ADAP1: variants seen among roughly 807,000 people sequenced by gnomAD.
The protein encoded by ADAP1 is ArfGAP with dual PH domains 1.
Under a neutral mutation model 54.9 loss-of-function variants are expected in ADAP1, and 31 were observed. The ratio of observed to expected loss-of-function variants is 0.56; its 90% CI spans 0.42 to 0.76. The LOEUF (loss-of-function observed/expected upper bound fraction) is 0.76, where lower values mean the gene tolerates loss of function less well. Ranked by LOEUF, ADAP1 falls within the 30% of genes least tolerant of loss-of-function variation. The pLI is 0.00. For missense variants in ADAP1, 535 were observed against 512.4 expected (o/e 1.04, Z -0.42); for synonymous variants, 313 against 202.6 (o/e 1.55, Z -4.63).
intron 4 of ADAP1, chr7:905,589 GA>G (rs1845177399): frequency 4.0e-4 from 17 of 42,904 alleles, no homozygotes; most frequent in Admixed American, 2.1e-3. Flanking sequence ...GGAGAAAGGA[GA>G]AAGGAGAAAG....
chr7:920,737 C>A lies in ADAP1; in HGVS notation c.306-687G>T. 6.6e-7 allele frequency: 1 copy of A among 1,515,336 alleles called. No homozygotes were observed. The highest frequency in any genetic ancestry group is 8.9e-7 in the Non-Finnish European group (1 of 1,119,888). The allele number at this position is 1,515,336 out of a possible 1,614,324, so 93.9% of individuals were successfully genotyped here. A position where few individuals can be genotyped will look rare whatever the true frequency, so the allele number is the denominator to read the frequency against. ...ACGGCACCCACTGAGCCCAGACATC[C>A]CTGCCCAGAGCCACCCACCACGGCC... On this transcript the variant is annotated intron_variant, in intron 3 of 10. Transcript: ENST00000265846. This position sits in a 1 kb window ranked among gnomAD's most constrained non-coding sequence, Gnocchi z 4.5.
chr7:902,909 C>T (rs1583119478), intron 6 of ADAP1, among the ~76,000 whole-genome samples: 1 of 152,232 alleles, frequency 6.6e-6, no homozygotes, highest in Admixed American at 6.5e-5. Flanking sequence ...AATTCTATAT[C>T]TAGCCACAGT....
At chr7:923,711 G>C (rs946072395) in intron 3 of ADAP1, among the ~76,000 whole-genome samples, 1 of 152,166 alleles carries the variant, frequency 6.6e-6, no homozygotes, top group African/African-American at 2.4e-5. Flanking sequence ...AGGCCGCAGG[G>C]CATGGCGTGG....
chr7:901,438 C>G (rs1844808397), intron 6 of ADAP1: 1 of 179,652 alleles, frequency 5.6e-6, no homozygotes, highest in Admixed American at 5.8e-5. Flanking sequence ...GGAGCCCCAT[C>G]CCTCCTCAGG....
rs948350289 is a variant in ADAP1 at position 954,401 on chromosome 7, G to A, written c.77C>T (p.Ala26Val). The change falls in exon 1 of 11, where the codon GCC (alanine) becomes GTC (valine). Residue 26 changes from alanine (A) to valine (V), a missense_variant. Coordinates refer to ENST00000265846, the MANE Select transcript of ADAP1 (RefSeq NM_006869.4). The stretch of plus-strand genomic sequence containing the variant: ...CCCACCCGGCCCACACCTACCCGGG[G>A]CGCCGCAGTCCGCGCAGCGCGCGTT... ...PGNARCADCG[A>V]PDPDWASYTL... is the part of the protein sequence containing the mutation. The A allele has an allele frequency of 2.7e-5, 30 of 1,129,818 alleles. No homozygotes were observed. The East Asian group carries it at 9.9e-4, about 37-fold the overall frequency. 70.0% of individuals were successfully genotyped at this position (1,129,818 alleles called of 1,614,324 possible).
At chr7:904,608 C>T (rs533973721) in intron 5 of ADAP1, among the ~76,000 whole-genome samples, 26 of 152,316 alleles carry the variant, frequency 1.7e-4, no homozygotes, top group East Asian at 1.4e-3. Context: ...AGCCAGTGCC[C>T]GCCACGGCTC....
At chr7:951,366 C>T (rs1473078214) in intron 1 of ADAP1, among the ~76,000 whole-genome samples, 3 of 143,328 alleles carry the variant, frequency 2.1e-5, no homozygotes, top group Non-Finnish European at 4.6e-5. Flanking sequence ...GAGCGAGACT[C>T]CGTCTCAAAA....
At chr7:903,938 T>C (rs913532887) in intron 6 of ADAP1, 188 bp downstream of exon 6, 10 of 687,738 alleles carry the variant, frequency 1.5e-5, no homozygotes, top group Middle Eastern at 4.2e-4. Flanking sequence ...CCGGCGCCAG[T>C]GCCCACACTC....
chr7:926,493 G>GGCCATCTCGGA lies in ADAP1; in HGVS notation c.305+49_305+59dup. 7.0e-7 allele frequency: 1 copy of GGCCATCTCGGA among 1,425,150 alleles called. No individual in the cohort carries two copies. Among genetic ancestry groups the GGCCATCTCGGA allele is most frequent in the Non-Finnish European group, 9.3e-7 (1 of 1,071,976 alleles). The allele number at this position is 1,425,150 out of a possible 1,614,324, so 88.3% of individuals were successfully genotyped here. On this transcript the variant is annotated intron_variant, in intron 3 of 10. Coordinates refer to ENST00000265846, the MANE Select transcript of ADAP1 (RefSeq NM_006869.4). The surrounding 1 kb of genome is among the most constrained non-coding windows in gnomAD (Gnocchi z 4.6). ...TCCCCACCCTGCCGGGTCCTCCCGG[G>GGCCATCTCGGA]GCCATCTCGGAGCCACCCAGCACTT... is the stretch of plus-strand genomic sequence containing the variant.
chr7:906,944 G>C (rs1422532649), intron 4 of ADAP1, among the ~76,000 whole-genome samples: 2 of 152,074 alleles, frequency 1.3e-5, no homozygotes, highest in African/African-American at 4.8e-5. Flanking sequence ...TCCTTTACTG[G>C]CCCCCAGGGA....
chr7:906,561 G>GAGAAAGGA (rs375706870), intron 4 of ADAP1, among the ~76,000 whole-genome samples: 1 of 26,384 alleles, frequency 3.8e-5, no homozygotes, highest in Non-Finnish European at 7.2e-5. Flanking sequence ...AGGGAGAAAG[G>GAGAAAGGA]GAAAGGAGAA....
Position 935,564 on chromosome 7 carries a change from G to A in ADAP1, c.83-59C>T, listed in dbSNP as rs928767514. 23 of 1,541,264 alleles carry A rather than the reference G, an allele frequency of 1.5e-5. 1 individual carries two copies. Among genetic ancestry groups the A allele is most frequent in the Non-Finnish European group, 1.8e-5 (20 of 1,141,372 alleles). ...AGCCCAGGGACCCCGGAGGGAGGGTGGACGGAGCCTCGAGTCAGGAGCCCC... is the reference window on the plus strand; with the variant it reads ...AGCCCAGGGACCCCGGAGGGAGGGTAGACGGAGCCTCGAGTCAGGAGCCCC... On this transcript the variant is annotated intron_variant, in intron 1 of 10. Transcript: ENST00000265846.
chr7:928,062 A>G (rs940305782), intron 2 of ADAP1, among the ~76,000 whole-genome samples: 1 of 151,404 alleles, frequency 6.6e-6, no homozygotes, highest in East Asian at 1.9e-4. Context: ...AAAAAAAAAA[A>G]AAAAAAAATT....
At chr7:921,732 C>T (rs915812846) in intron 3 of ADAP1, among the ~76,000 whole-genome samples, 3 of 152,218 alleles carry the variant, frequency 2.0e-5, no homozygotes, top group Non-Finnish European at 4.4e-5. Flanking sequence ...GGAGGAGTTG[C>T]CCCCTAGCAC....
chr7:935,278 G>A, intron 2 of ADAP1, 97 bp downstream of exon 2: 1 of 1,480,798 alleles, frequency 6.8e-7, no homozygotes, highest in South Asian at 1.3e-5. Flanking sequence ...AAGGCTCCAG[G>A]GGCCACAGCC....
chr7:904,372 T>G, intron 5 of ADAP1, 100 bp from the exon 6 acceptor site: 1 of 1,444,668 alleles, frequency 6.9e-7, no homozygotes, highest in Non-Finnish European at 9.2e-7. Context: ...GCACCTGCTG[T>G]GCTGTGTGGC....
chr7:928,634 G>C (rs1317497466), intron 2 of ADAP1, among the ~76,000 whole-genome samples: 1 of 152,206 alleles, frequency 6.6e-6, no homozygotes, highest in Non-Finnish European at 1.5e-5. Flanking sequence ...GCTGTCAGGG[G>C]AACGCAGATG....
chr7:906,592 AGGAGAAGGGAGAAAG>A (rs1562914708), intron 4 of ADAP1, among the ~76,000 whole-genome samples: 6 of 27,288 alleles, frequency 2.2e-4, no homozygotes, highest in South Asian at 1.2e-3. Flanking sequence ...GAAAGGAGAA[AGGAGAAGGGAGAAAG>A]GGAGAAAGGG....
intron 2 of ADAP1, among the ~76,000 whole-genome samples, chr7:929,561 T>C (rs1181955433): frequency 6.7e-6 from 1 of 148,508 alleles, no homozygotes; most frequent in African/African-American, 2.5e-5. Flanking sequence ...CATGATTCCA[T>C]CTGTTTGAAA....
Sources: gnomAD v4.1 joint callset for allele counts (sites outside exome capture counted in the v4.1 genomes callset) on GRCh38, gnomAD v4.1.1 for gene constraint, Gnocchi (gnomAD v3.1) non-coding constraint, MANE v1.5 for transcripts, NCBI Gene and HGNC (gene_info 2026-07-23, HGNC 2026-07-21) for gene names.